Variants in WDR7 observed in about 807,000 individuals in gnomAD.
WDR7 encodes the protein WD repeat-containing protein 7.
WDR7 carries 46 observed loss-of-function variants against 169.4 expected under a neutral mutation model. The observed-to-expected ratio is 0.27, with a 90% confidence interval of 0.21 to 0.35. The LOEUF (loss-of-function observed/expected upper bound fraction) is 0.35, where lower values mean the gene tolerates loss of function less well. Ranked by LOEUF, WDR7 falls within the 10% of genes least tolerant of loss-of-function variation. The probability of loss-of-function intolerance (pLI) is 1.00; values close to 1 mark genes in which losing one functional copy is unlikely to be tolerated. For synonymous variants in WDR7, 612 were observed against 666.8 expected (o/e 0.92, Z 1.27); for missense variants, 1,534 against 1,859.3 (o/e 0.83, Z 3.22).
the WDR7 span, chr18:57,035,028 C>T: frequency 3.9e-5 from 6 of 152,312 alleles, no homozygotes; most frequent in African/African-American, 1.2e-4. Flanking sequence ...TCCAGTGAAC[C>T]CTCCTCGGGC....
At chr18:56,956,901 T>C (rs1018804122) in intron 25 of WDR7, among the ~76,000 whole-genome samples, 1 of 152,228 alleles carries the variant, frequency 6.6e-6, no homozygotes, top group Non-Finnish European at 1.5e-5. Flanking sequence ...ATACTTTTTT[T>C]CCTCTTATTG....
chr18:56,775,426 A>G (rs2044227216), intron 16 of WDR7, among the ~76,000 whole-genome samples: 1 of 152,144 alleles, frequency 6.6e-6, no homozygotes, highest in African/African-American at 2.4e-5. Context: ...AAAAATGATA[A>G]AATTATTCCC....
intron 24 of WDR7, 32 bp from the exon 25 acceptor site, chr18:56,939,279 A>G: frequency 6.7e-7 from 1 of 1,483,736 alleles, no homozygotes. Context: ...AGTATTTGAA[A>G]TTAATTTTAA....
At chr18:56,816,837 G>T (rs1278734695) in intron 20 of WDR7, among the ~76,000 whole-genome samples, 2 of 152,070 alleles carry the variant, frequency 1.3e-5, no homozygotes, top group African/African-American at 4.8e-5. Context: ...AGAATAATAA[G>T]CTTTTGTTTT....
chr18:56,821,401 G>A (rs1157299794), intron 20 of WDR7, among the ~76,000 whole-genome samples: 1 of 152,034 alleles, frequency 6.6e-6, no homozygotes, highest in African/African-American at 2.4e-5. Flanking sequence ...ACTTTTACAG[G>A]GTCACATATG....
intron 20 of WDR7, among the ~76,000 whole-genome samples, chr18:56,845,800 A>C (rs542643491): frequency 7.2e-5 from 11 of 152,192 alleles, no homozygotes; most frequent in African/African-American, 2.7e-4. Flanking sequence ...AAAACTGCAT[A>C]TATGTACTTT....
chr18:56,771,602 C>T (rs937590084), intron 16 of WDR7, among the ~76,000 whole-genome samples: 1 of 139,850 alleles, frequency 7.2e-6, no homozygotes, highest in Non-Finnish European at 1.5e-5. Flanking sequence ...AAAATACTGG[C>T]CGGGCACGGT....
intron 26 of WDR7, among the ~76,000 whole-genome samples, chr18:56,970,054 TTG>T (rs1386401257): frequency 2.6e-5 from 4 of 152,144 alleles, no homozygotes; most frequent in Admixed American, 2.6e-4. Flanking sequence ...ACTTCTAGCA[TTG>T]TGTTATAAAT....
At chr18:56,764,873 T>C (rs1466166692) in intron 16 of WDR7, among the ~76,000 whole-genome samples, 2 of 152,166 alleles carry the variant, frequency 1.3e-5, no homozygotes, top group East Asian at 1.9e-4. Flanking sequence ...TGGGTTTGTT[T>C]ATTCCTTCTT....
intron 21 of WDR7, among the ~76,000 whole-genome samples, chr18:56,920,744 T>C (rs1042655751): frequency 9.2e-5 from 14 of 152,190 alleles, no homozygotes; most frequent in African/African-American, 3.4e-4. Context: ...CTTATACAGA[T>C]TAAAGTATAC....
chr18:56,908,507 G>A (rs903944385), intron 21 of WDR7, among the ~76,000 whole-genome samples: 1 of 152,166 alleles, frequency 6.6e-6, no homozygotes, highest in African/African-American at 2.4e-5. Context: ...AGCATCCTAA[G>A]TGTGGAATAT....
chr18:56,861,126 T>TATA (rs72405924), intron 20 of WDR7, among the ~76,000 whole-genome samples: 1 of 2,892 alleles, frequency 3.5e-4, no homozygotes, highest in Non-Finnish European at 1.0e-3. Flanking sequence ...GTACAGTTTA[T>TATA]ATTCTTTTTC....
chr18:56,807,956 G>A (rs977206965), intron 19 of WDR7, among the ~76,000 whole-genome samples: 12 of 152,270 alleles, frequency 7.9e-5, no homozygotes, highest in African/African-American at 2.6e-4. Context: ...TATTTTTGAT[G>A]TTATTGCAGA....
chr18:56,692,444 T>G (rs1364232857), intron 9 of WDR7, among the ~76,000 whole-genome samples: 3 of 151,290 alleles, frequency 2.0e-5, no homozygotes, highest in African/African-American at 4.8e-5. Context: ...TTTTTTGTTT[T>G]TTTTTTTTTT....
At chr18:56,965,354 C>T (rs1427452742) in intron 26 of WDR7, among the ~76,000 whole-genome samples, 3 of 151,890 alleles carry the variant, frequency 2.0e-5, no homozygotes, top group African/African-American at 7.3e-5. Flanking sequence ...CATATATGTC[C>T]CCTGTTGTCA....
At chr18:56,840,534 T>C (rs2045467441) in intron 20 of WDR7, among the ~76,000 whole-genome samples, 1 of 152,126 alleles carries the variant, frequency 6.6e-6, no homozygotes, top group South Asian at 2.1e-4. Flanking sequence ...TAAAAGACCA[T>C]GTTTGACTGG....
intron 27 of WDR7, among the ~76,000 whole-genome samples, chr18:57,025,993 A>G (rs2048362269): frequency 6.6e-6 from 1 of 152,246 alleles, no homozygotes; most frequent in Non-Finnish European, 1.5e-5. Context: ...GGAAATGAAA[A>G]TTAGTACAAA....
Position 56,732,461 on chromosome 18 carries a change from G to A in WDR7, c.1989+864G>A, listed in dbSNP as rs151052030. On this transcript the variant is annotated intron_variant, in intron 14 of 27. Coordinates refer to ENST00000254442, the MANE Select transcript of WDR7 (RefSeq NM_015285.3). Reference sequence around the variant, plus strand: ...TTCATTTTTTTAAATGGTTAGACATGTGAATAAATAGTAAAGGGGTTGAAA... The same window carrying A: ...TTCATTTTTTTAAATGGTTAGACATATGAATAAATAGTAAAGGGGTTGAAA... Among the ~76,000 whole-genome samples the A allele has an allele frequency of 2.9e-3, 443 of 152,136 alleles. 3 individuals are homozygous for A. In the East Asian group the frequency reaches 0.032, roughly 11 times the overall value.
chr18:56,875,578 T>C (rs1023697839), intron 20 of WDR7, among the ~76,000 whole-genome samples: 1 of 152,202 alleles, frequency 6.6e-6, no homozygotes, highest in African/African-American at 2.4e-5. Flanking sequence ...TTTTCTGCAG[T>C]TCTCCTCTAG....
Sources: gnomAD v4.1 joint callset for allele counts (sites outside exome capture counted in the v4.1 genomes callset) on GRCh38, gnomAD v4.1.1 for gene constraint, MANE v1.5 for transcripts, NCBI Gene and HGNC (gene_info 2026-07-23, HGNC 2026-07-21) for gene names.